The following ASIC2 variants were observed in gnomAD, a reference collection of about 807,000 sequenced individuals.
ASIC2 encodes the protein acid-sensing ion channel 2.
Under a neutral mutation model 57.3 loss-of-function variants are expected in ASIC2, and 25 were observed. The observed-to-expected ratio is 0.44, with a 90% CI of 0.32 to 0.61. ASIC2 has a LOEUF of 0.61. Ranked by LOEUF, ASIC2 falls within the 20% of genes least tolerant of loss-of-function variation. ASIC2 has a pLI of 0.06. For synonymous variants in ASIC2, 319 were observed against 307.5 expected (o/e 1.04, Z -0.39); for missense variants, 641 against 738.1 (o/e 0.87, Z 1.52).
intron 1 of ASIC2, among the ~76,000 whole-genome samples, chr17:33,503,524 C>A (rs568582013): frequency 3.8e-4 from 58 of 152,206 alleles, no homozygotes; most frequent in African/African-American, 1.2e-3. Context: ...ACAAAGGCAA[C>A]CCTGTTGATA....
chr17:33,057,818 A>G (rs974296891), intron 3 of ASIC2, among the ~76,000 whole-genome samples: 6 of 152,226 alleles, frequency 3.9e-5, no homozygotes, highest in Admixed American at 2.6e-4. Flanking sequence ...TAGAACAGTC[A>G]TAGAGTCATA....
chr17:33,765,624 A>G (rs1910912945), intron 1 of ASIC2, among the ~76,000 whole-genome samples: 1 of 152,220 alleles, frequency 6.6e-6, no homozygotes, highest in Non-Finnish European at 1.5e-5. Context: ...TTCTTAAAAA[A>G]TCTGAACTCT....
chr17:33,923,682 C>G (rs906692801), intron 1 of ASIC2, among the ~76,000 whole-genome samples: 2 of 152,028 alleles, frequency 1.3e-5, no homozygotes, highest in African/African-American at 4.8e-5. Flanking sequence ...GGATCACTGG[C>G]TAATAATGTC....
At chr17:33,076,923 G>A (rs575674546) in intron 3 of ASIC2, among the ~76,000 whole-genome samples, 62 of 152,294 alleles carry the variant, frequency 4.1e-4, no homozygotes, top group African/African-American at 1.5e-3. Context: ...ACATGAGTAT[G>A]TATTTCTTTA....
intron 1 of ASIC2, among the ~76,000 whole-genome samples, chr17:33,162,424 C>A (rs536443746): frequency 1.6e-4 from 24 of 152,304 alleles, no homozygotes; most frequent in Non-Finnish European, 3.1e-4. Context: ...TGATATCAGA[C>A]AGGGCAAAAT....
chr17:33,440,979 T>C (rs925887830), intron 1 of ASIC2, among the ~76,000 whole-genome samples: 20 of 152,142 alleles, frequency 1.3e-4, no homozygotes, highest in African/African-American at 4.6e-4. Flanking sequence ...TTTCTTTTCT[T>C]TTTTTTAAAG....
rs116957849 is a variant in ASIC2, at chr17:33,540,645, C to T, written c.556-428578G>A. On this transcript the variant is annotated intron_variant, in intron 1 of 9. Transcript: ENST00000359872. ...TCACTCCTGTGAGTTCTTGGACTCA[C>T]TCCTGTGAGTCTCTCAAGAGTACTT... Among the ~76,000 whole-genome samples, 1,119 of 152,248 alleles carry T rather than the reference C, an allele frequency of 7.3e-3. 6 individuals are homozygous for T. The highest frequency in any genetic ancestry group is 0.012 in the Non-Finnish European group (830 of 68,018).
chr17:33,805,752 G>A (rs1300153556), intron 1 of ASIC2, among the ~76,000 whole-genome samples: 1 of 152,074 alleles, frequency 6.6e-6, no homozygotes, highest in Non-Finnish European at 1.5e-5. Context: ...TCCTCATAAG[G>A]TCTGTAGTGA....
chr17:33,816,637 T>C (rs1368171060), intron 1 of ASIC2: 3 of 152,120 alleles, frequency 2.0e-5, no homozygotes, highest in Non-Finnish European at 4.4e-5. Context: ...GAGGGTGGTA[T>C]TTCACTTGAC....
chr17:33,798,439 T>C (rs1911984572), intron 1 of ASIC2, among the ~76,000 whole-genome samples: 1 of 152,100 alleles, frequency 6.6e-6, no homozygotes, highest in Admixed American at 6.5e-5. Context: ...CAGAGATCAA[T>C]TTGTGTTTAA....
At chr17:33,825,720 G>T (rs530424843) in intron 1 of ASIC2, among the ~76,000 whole-genome samples, 1 of 152,190 alleles carries the variant, frequency 6.6e-6, no homozygotes, top group Non-Finnish European at 1.5e-5. Context: ...AAAACCTAAG[G>T]TTCCTTTGGA....
intron 1 of ASIC2, among the ~76,000 whole-genome samples, chr17:33,462,423 G>T (rs563904869): frequency 2.0e-5 from 3 of 152,178 alleles, no homozygotes; most frequent in Non-Finnish European, 4.4e-5. Context: ...ATGTGGATAA[G>T]GTGGAGGTGA....
chr17:33,400,395 G>A (rs1910240329), intron 1 of ASIC2, among the ~76,000 whole-genome samples: 1 of 152,222 alleles, frequency 6.6e-6, no homozygotes, highest in Non-Finnish European at 1.5e-5. Flanking sequence ...GCAAAAAGAA[G>A]TGAGCTTAGA....
intron 1 of ASIC2, among the ~76,000 whole-genome samples, chr17:33,343,619 G>A (rs1390196213): frequency 6.6e-6 from 1 of 152,144 alleles, no homozygotes; most frequent in Non-Finnish European, 1.5e-5. Flanking sequence ...CTGGTGGGTT[G>A]ACATGGCTTT....
At chr17:33,886,076 G>A (rs900293326) in intron 1 of ASIC2, among the ~76,000 whole-genome samples, 3 of 152,160 alleles carry the variant, frequency 2.0e-5, no homozygotes, top group African/African-American at 7.2e-5. Flanking sequence ...TTATGTTGCA[G>A]TAACAAACAA....
intron 1 of ASIC2, among the ~76,000 whole-genome samples, chr17:33,968,326 G>A (rs1009327219): frequency 6.6e-6 from 1 of 151,778 alleles, no homozygotes; most frequent in Admixed American, 6.6e-5. Flanking sequence ...ACCTGAACAG[G>A]GGGCAGAATC....
Position 33,819,458 on chromosome 17 carries a change from G to T in ASIC2, c.555+336520C>A, listed in dbSNP as rs376217095. On this transcript the variant is annotated intron_variant, in intron 1 of 9. Coordinates refer to the ASIC2 transcript ENST00000359872. ...GACAAAGGAAGGGAGATACATTTAT[G>T]CCAAGACAATAATTGCATTAATGCT... Among the ~76,000 whole-genome samples the T allele has an allele frequency of 8.5e-5, 13 of 152,298 alleles. No individual in the cohort carries two copies. The East Asian group carries it at 1.7e-3, about 20-fold the overall frequency.
At chr17:34,011,731 C>T (rs1199107042) in intron 1 of ASIC2, among the ~76,000 whole-genome samples, 2 of 152,194 alleles carry the variant, frequency 1.3e-5, no homozygotes, top group Non-Finnish European at 2.9e-5. Flanking sequence ...AAATGCACTC[C>T]TTTTAGTCCT....
intron 1 of ASIC2, among the ~76,000 whole-genome samples, chr17:33,946,246 TGTCC>T (rs2141982013): frequency 6.6e-6 from 1 of 152,358 alleles, no homozygotes; most frequent in Non-Finnish European, 1.5e-5. Flanking sequence ...TGTTGCCATC[TGTCC>T]ATCTTTTGAG....
Sources: gnomAD v4.1 joint callset for allele counts (sites outside exome capture counted in the v4.1 genomes callset) on GRCh38, gnomAD v4.1.1 for gene constraint, MANE v1.5 for transcripts, NCBI Gene and HGNC (gene_info 2026-07-23, HGNC 2026-07-21) for gene names.